The following DNAJC15 variants were observed in gnomAD, a reference collection of about 807,000 sequenced individuals.
The protein encoded by DNAJC15 is DnaJ heat shock protein family (Hsp40) member C15.
Under a neutral mutation model 22.4 loss-of-function variants are expected in DNAJC15, and 27 were observed. The observed-to-expected ratio is 1.20, with a 90% CI of 0.89 to 1.66. The LOEUF is 1.66. Ranked by LOEUF, DNAJC15 falls within the 40% of genes most tolerant of loss-of-function variation. DNAJC15 has a pLI of 0.00. For synonymous variants in DNAJC15, 79 were observed against 63.2 expected (o/e 1.25, Z -1.19); for missense variants, 208 against 187.1 (o/e 1.11, Z -0.65).
intron 1 of DNAJC15, among the ~76,000 whole-genome samples, chr13:43,029,858 T>C (rs1230615685): frequency 6.6e-6 from 1 of 152,212 alleles, no homozygotes; most frequent in Non-Finnish European, 1.5e-5. Context: ...CCCAACATAG[T>C]ACCAGGCACA....
chr13:43,091,628 A>G (rs746515995), intron 5 of DNAJC15, among the ~76,000 whole-genome samples: 8 of 152,262 alleles, frequency 5.3e-5, no homozygotes, highest in Non-Finnish European at 1.2e-4. Context: ...TAATCTGTTT[A>G]TAAAATAATT....
chr13:43,030,804 G>T (rs1472490309), intron 1 of DNAJC15, among the ~76,000 whole-genome samples: 1 of 152,182 alleles, frequency 6.6e-6, no homozygotes, highest in African/African-American at 2.4e-5. Context: ...AGCACAGCAC[G>T]GGGTAGGTTG....
intron 1 of DNAJC15, among the ~76,000 whole-genome samples, chr13:43,036,945 T>C (rs941418901): frequency 6.6e-6 from 1 of 152,242 alleles, no homozygotes; most frequent in African/African-American, 2.4e-5. Flanking sequence ...CAGGCATTTC[T>C]AAGCCTGTAG....
At chr13:43,086,501 TTATTTACAGACTTTCAGTTTCC>T (rs762962108) in intron 5 of DNAJC15, among the ~76,000 whole-genome samples, 8 of 152,184 alleles carry the variant, frequency 5.3e-5, no homozygotes, top group Non-Finnish European at 1.2e-4. Flanking sequence ...TCTTGGATTC[TTATTTACAGACTTTCAGTTTCC>T]TAATTATTTC....
intron 1 of DNAJC15, among the ~76,000 whole-genome samples, chr13:43,045,850 C>T (rs1300341117): frequency 6.6e-6 from 1 of 152,188 alleles, no homozygotes; most frequent in East Asian, 1.9e-4. Context: ...GCACAAATCA[C>T]TGCGTAAAAT....
At chr13:43,055,074 TGG>T (rs1270106089) in intron 1 of DNAJC15, among the ~76,000 whole-genome samples, 1 of 37,488 alleles carries the variant, frequency 2.7e-5, no homozygotes, top group African/African-American at 1.1e-4. Flanking sequence ...AAAGTGGACT[TGG>T]GGAGGTGGGG....
At chr13:43,037,901 C>T (rs1281535902) in intron 1 of DNAJC15, among the ~76,000 whole-genome samples, 1 of 152,176 alleles carries the variant, frequency 6.6e-6, no homozygotes, top group Non-Finnish European at 1.5e-5. Context: ...GTCTAATGAT[C>T]CCAAGACTAC....
In DNAJC15 at chr13:43,110,098, G is replaced by A. The variant is rs903261913; in HGVS notation, c.*2850G>A. On this transcript the variant is annotated 3_prime_UTR_variant, in exon 6 of 6. Coordinates refer to ENST00000379221, the MANE Select transcript of DNAJC15 (RefSeq NM_013238.3). ...GGATAGAACATGGTGGGGACAGCTC[G>A]TCTCTATTCCTTGCAGCATTAACAG... The A allele has an allele frequency of 1.3e-5, 2 of 152,120 alleles. No homozygotes were observed. The highest frequency in any genetic ancestry group is 2.9e-5 in the Non-Finnish European group (2 of 68,028). 9.4% of individuals were successfully genotyped at this position (152,120 alleles called of 1,614,324 possible). A position where few individuals can be genotyped will look rare whatever the true frequency, so the allele number is the denominator to read the frequency against.
chr13:43,052,635 C>T (rs1337858584), intron 1 of DNAJC15, among the ~76,000 whole-genome samples: 2 of 152,130 alleles, frequency 1.3e-5, no homozygotes, highest in Admixed American at 6.5e-5. Flanking sequence ...AGGCTGGTCT[C>T]GAACTCCCTG....
At chr13:43,047,965 T>C (rs2040485422) in intron 1 of DNAJC15, among the ~76,000 whole-genome samples, 1 of 152,210 alleles carries the variant, frequency 6.6e-6, no homozygotes, top group Admixed American at 6.5e-5. Context: ...TAGCTAGACC[T>C]AGCAGTCTAG....
chr13:43,092,999 C>T (rs1403492117), intron 5 of DNAJC15, among the ~76,000 whole-genome samples: 2 of 152,348 alleles, frequency 1.3e-5, no homozygotes, highest in Non-Finnish European at 2.9e-5. Context: ...TAAAATATTA[C>T]TTTGGCCACT....
chr13:43,090,709 CTTTT>C (rs5803165), intron 5 of DNAJC15, among the ~76,000 whole-genome samples: 6 of 139,518 alleles, frequency 4.3e-5, no homozygotes, highest in Non-Finnish European at 4.6e-5. Context: ...TTCTTTCTTT[CTTTT>C]TTTTTTTTTT....
At chr13:43,042,313 CTCTT>C (rs1285140893) in intron 1 of DNAJC15, among the ~76,000 whole-genome samples, 2 of 152,270 alleles carry the variant, frequency 1.3e-5, no homozygotes, top group South Asian at 2.1e-4. Flanking sequence ...AGTATGGTCT[CTCTT>C]TCTCTGGAAA....
At chr13:43,048,286 C>T (rs1195668874) in intron 1 of DNAJC15, among the ~76,000 whole-genome samples, 1 of 149,300 alleles carries the variant, frequency 6.7e-6, no homozygotes, top group Non-Finnish European at 1.5e-5. Flanking sequence ...TCAAGACCAG[C>T]CTGACCAAAA....
intron 5 of DNAJC15, among the ~76,000 whole-genome samples, chr13:43,094,550 G>T (rs74526836): frequency 0.012 from 1,796 of 152,220 alleles, 23 homozygotes; most frequent in Non-Finnish European, 0.018. Flanking sequence ...ATCTCTAATC[G>T]CAGTCTCCTT....
Position 43,111,694 on chromosome 13 carries a change from T to C in DNAJC15, c.*4446T>C, listed in dbSNP as rs182402722. 1 of 152,286 alleles carries C rather than the reference T, an allele frequency of 6.6e-6. No homozygotes were observed. The highest frequency in any genetic ancestry group is 1.9e-4 in the East Asian group (1 of 5,170). 9.4% of individuals were successfully genotyped at this position (152,286 alleles called of 1,614,324 possible). On this transcript the variant is annotated 3_prime_UTR_variant, in exon 6 of 6. Coordinates refer to ENST00000379221, the MANE Select transcript of DNAJC15 (RefSeq NM_013238.3). ...AAGTACACCAGCCAATTTCACACAG[T>C]GGAACCATGCTGTCCTCGGGCACCC...
chr13:43,065,720 C>A lies in DNAJC15; in HGVS notation c.143C>A (p.Ala48Glu). Residue 48 changes from alanine (A) to glutamate (E), a missense_variant, in exon 2 of 6, where the codon GCA becomes GAA. Transcript: ENST00000379221. ...TTGATAGCTGTAGGACTGGGTGTTG[C>A]AGCTCTTGCATTTGCAGGTAAGATA... ...RSLIAVGLGV[A>E]ALAFAGRYAF... 1 of 1,613,130 alleles carries A rather than the reference C, an allele frequency of 6.2e-7. No individual in the cohort carries two copies. Among genetic ancestry groups the A allele is most frequent in the Non-Finnish European group, 8.5e-7 (1 of 1,179,632 alleles).
intron 1 of DNAJC15, among the ~76,000 whole-genome samples, chr13:43,040,482 G>T (rs1056847364): frequency 3.9e-5 from 6 of 152,088 alleles, no homozygotes; most frequent in African/African-American, 1.4e-4. Flanking sequence ...TTTACAAGTT[G>T]TCTGGTCTAA....
chr13:43,057,789 T>C (rs2040538977), intron 1 of DNAJC15, among the ~76,000 whole-genome samples: 1 of 152,060 alleles, frequency 6.6e-6, no homozygotes, highest in Non-Finnish European at 1.5e-5. Context: ...TCCCATGGGG[T>C]GATCCTTTGA....
Sources: allele counts gnomAD v4.1 joint callset (sites outside exome capture counted in the v4.1 genomes callset), GRCh38; gene constraint gnomAD v4.1.1; transcripts MANE v1.5; gene names NCBI Gene and HGNC (gene_info 2026-07-23, HGNC 2026-07-21).